Variants in SDK1 observed in about 807,000 individuals in gnomAD.
The protein encoded by SDK1 is sidekick cell adhesion molecule 1.
Under a neutral mutation model 245.5 loss-of-function variants are expected in SDK1, and 157 were observed. The observed-to-expected ratio is 0.64, with a 90% CI of 0.56 to 0.73. SDK1 has a LOEUF of 0.73. SDK1 is among the 30% of genes least tolerant of loss of function. The pLI is 0.00. For synonymous variants in SDK1, 1,647 were observed against 1,278.5 expected (o/e 1.29, Z -6.15); for missense variants, 3,583 against 3,002.3 (o/e 1.19, Z -4.52).
At chr7:3,662,168 C>T (rs1182054353) in intron 4 of SDK1, among the ~76,000 whole-genome samples, 6 of 148,902 alleles carry the variant, frequency 4.0e-5, no homozygotes, top group Admixed American at 6.8e-5. Flanking sequence ...ATCCTTTATT[C>T]GAACAAAAGT....
chr7:4,052,040 C>T (rs1412876777), intron 19 of SDK1, among the ~76,000 whole-genome samples: 1 of 152,008 alleles, frequency 6.6e-6, no homozygotes, highest in South Asian at 2.1e-4. Flanking sequence ...GTGGCCTTGG[C>T]TCAAGGAAGG....
At chr7:4,152,278 T>TC (rs1470505836) in intron 30 of SDK1, among the ~76,000 whole-genome samples, 5 of 152,078 alleles carry the variant, frequency 3.3e-5, no homozygotes, top group African/African-American at 1.2e-4. Context: ...CACAGCTCTC[T>TC]CCCCTCCAGA....
At chr7:3,463,752 T>C (rs1390635751) in intron 1 of SDK1, among the ~76,000 whole-genome samples, 1 of 152,234 alleles carries the variant, frequency 6.6e-6, no homozygotes, top group Non-Finnish European at 1.5e-5. Flanking sequence ...CCTTGAATGC[T>C]GGTCTCTCCA....
At chr7:3,560,985 C>G (rs1562563830) in intron 1 of SDK1, among the ~76,000 whole-genome samples, 1 of 152,192 alleles carries the variant, frequency 6.6e-6, no homozygotes, top group African/African-American at 2.4e-5. Flanking sequence ...AACATAAGGT[C>G]CTTTCTCACA....
intron 1 of SDK1, among the ~76,000 whole-genome samples, chr7:3,610,465 G>A (rs147585484): frequency 2.0e-5 from 3 of 152,322 alleles, no homozygotes; most frequent in Non-Finnish European, 4.4e-5. Flanking sequence ...TGACAGTTCA[G>A]TATACTTCTA....
chr7:3,663,041 A>C (rs1181740731), intron 4 of SDK1, among the ~76,000 whole-genome samples: 1 of 152,336 alleles, frequency 6.6e-6, no homozygotes, highest in East Asian at 1.9e-4. Flanking sequence ...TGTATGTATC[A>C]ATCAGATAGT....
intron 1 of SDK1, among the ~76,000 whole-genome samples, chr7:3,417,654 A>G (rs1452547119): frequency 4.6e-5 from 7 of 152,210 alleles, no homozygotes; most frequent in South Asian, 2.1e-4. Context: ...TATTTATGCT[A>G]TGATATATTT....
chr7:4,214,324 G>A (rs745442836), intron 38 of SDK1, among the ~76,000 whole-genome samples: 6 of 152,220 alleles, frequency 3.9e-5, no homozygotes, highest in South Asian at 4.1e-4. Context: ...CTGCACAGCC[G>A]AGTAGGGGGC....
intron 5 of SDK1, among the ~76,000 whole-genome samples, chr7:3,856,330 A>G (rs1301726727): frequency 6.7e-6 from 1 of 150,116 alleles, no homozygotes. Flanking sequence ...AAGAGGGTTT[A>G]AAAAATGAAA....
At chr7:4,019,858 T>G (rs918448328) in intron 17 of SDK1, among the ~76,000 whole-genome samples, 1 of 152,170 alleles carries the variant, frequency 6.6e-6, no homozygotes, top group Non-Finnish European at 1.5e-5. Context: ...CAGATGTGGA[T>G]GGCCCTCCCT....
intron 44 of SDK1, among the ~76,000 whole-genome samples, chr7:4,257,548 A>C (rs1443644972): frequency 3.3e-5 from 5 of 152,262 alleles, no homozygotes; most frequent in Non-Finnish European, 5.9e-5. Flanking sequence ...AGAGGCAATG[A>C]CAGGGGCTGA....
At position 3,480,425 on chromosome 7, in the gene SDK1, T is replaced by C. The variant is rs114394106; in HGVS notation, c.299-138655T>C. ...TGCCTGCCTCCTGCACATACGCTCA[T>C]GTAGGAACTACTGGAAGAACTTCCG... On this transcript the variant is annotated intron_variant, in intron 1 of 44. Transcript: ENST00000404826. Among the ~76,000 whole-genome samples the C allele has an allele frequency of 8.8e-3, 1,336 of 151,386 alleles. 22 individuals carry two copies. The highest frequency in any genetic ancestry group is 0.031 in the African/African-American group (1,262 of 41,316).
At chr7:3,372,287 G>C (rs1306049430) in intron 1 of SDK1, among the ~76,000 whole-genome samples, 1 of 152,150 alleles carries the variant, frequency 6.6e-6, no homozygotes. Flanking sequence ...TAGCAGAAAA[G>C]GCTCCCAAGC....
intron 35 of SDK1, among the ~76,000 whole-genome samples, chr7:4,195,646 C>T (rs1050984013): frequency 6.6e-6 from 1 of 152,164 alleles, no homozygotes; most frequent in African/African-American, 2.4e-5. Flanking sequence ...ACTTAGAAGC[C>T]AGAATGCCCA....
chr7:3,909,409 T>C (rs1478368269), intron 5 of SDK1, among the ~76,000 whole-genome samples: 2 of 151,932 alleles, frequency 1.3e-5, no homozygotes, highest in African/African-American at 4.8e-5. Context: ...GTGGGTGGAG[T>C]AGCCTCTGCC....
At chr7:3,532,930 T>G (rs536540624) in intron 1 of SDK1, among the ~76,000 whole-genome samples, 1 of 152,230 alleles carries the variant, frequency 6.6e-6, no homozygotes, top group African/African-American at 2.4e-5. Flanking sequence ...ACACCATGCA[T>G]CGGCACTCAG....
intron 1 of SDK1, among the ~76,000 whole-genome samples, chr7:3,459,057 T>A (rs1780755832): frequency 6.6e-6 from 1 of 152,210 alleles, no homozygotes; most frequent in South Asian, 2.1e-4. Flanking sequence ...TGCTCAGATT[T>A]CGAATGAGAT....
intron 22 of SDK1, among the ~76,000 whole-genome samples, chr7:4,095,724 C>T (rs148870787): frequency 4.3e-4 from 65 of 152,332 alleles, no homozygotes; most frequent in African/African-American, 1.4e-3. Flanking sequence ...AGGCACTCGC[C>T]ACCACACCTG....
chr7:4,006,916 G>A (rs1049652696), intron 14 of SDK1, among the ~76,000 whole-genome samples: 10 of 152,338 alleles, frequency 6.6e-5, no homozygotes, highest in African/African-American at 1.4e-4. Flanking sequence ...GGATGGGGCC[G>A]AGGGCGGGAA....
Sources: allele counts gnomAD v4.1 joint callset (sites outside exome capture counted in the v4.1 genomes callset), GRCh38; gene constraint gnomAD v4.1.1; transcripts MANE v1.5; gene names NCBI Gene and HGNC (gene_info 2026-07-23, HGNC 2026-07-21).